The following METTL15 variants were observed in gnomAD, a reference collection of about 807,000 sequenced individuals.
METTL15 encodes methyltransferase 15, mitochondrial 12S rRNA N4-cytidine.
A neutral mutation model predicts 38.3 loss-of-function variants in METTL15; 34 were observed. The observed-to-expected ratio is 0.89, with a 90% CI of 0.68 to 1.18. METTL15 has a LOEUF of 1.18. METTL15 is among the 50% of genes most tolerant of loss of function. METTL15 has a pLI of 0.00. For missense variants in METTL15, 438 were observed against 498.4 expected, an observed-to-expected ratio of 0.88 and a Z score of 1.15; for synonymous variants, 162 against 170.9, an observed-to-expected ratio of 0.95 and a Z score of 0.41.
rs539454077 is a variant in METTL15, at chr11:28,159,384, A to C, written c.270+45780A>C. On this transcript the variant is annotated intron_variant, in intron 3 of 6. Transcript: ENST00000407364. ...GTCAATGGGAAATTATAGCAGCCCA[A>C]TCCAGGCAGGACTACAAGTGATCCA... Among the ~76,000 whole-genome samples, 9 of 152,100 alleles carry C rather than the reference A, an allele frequency of 5.9e-5. No individual in the cohort carries two copies. The South Asian group carries it at 1.9e-3, about 32-fold the overall frequency.
chr11:28,170,476 G>A (rs1435687186), intron 3 of METTL15, among the ~76,000 whole-genome samples: 2 of 152,098 alleles, frequency 1.3e-5, no homozygotes, highest in African/African-American at 2.4e-5. Context: ...AGAAAGTAAA[G>A]GAATAAAAGA....
At chr11:28,298,138 A>G (rs1400966073) in intron 6 of METTL15, among the ~76,000 whole-genome samples, 1 of 152,040 alleles carries the variant, frequency 6.6e-6, no homozygotes, top group Non-Finnish European at 1.5e-5. Context: ...TGAACATAAA[A>G]TATTTCATAT....
At chr11:28,118,151 A>T (rs758623150) in intron 3 of METTL15, among the ~76,000 whole-genome samples, 4 of 152,116 alleles carry the variant, frequency 2.6e-5, no homozygotes, top group Non-Finnish European at 5.9e-5. Flanking sequence ...TTTAAAAAAT[A>T]TCTGAATGTA....
At chr11:28,507,139 C>A (rs1326643959) in intron 6 of METTL15, among the ~76,000 whole-genome samples, 1 of 152,156 alleles carries the variant, frequency 6.6e-6, no homozygotes, top group Non-Finnish European at 1.5e-5. Flanking sequence ...TTAGACCTTA[C>A]CACTTGTAAT....
At chr11:28,288,656 C>T (rs1856386732) in intron 4 of METTL15, among the ~76,000 whole-genome samples, 1 of 151,976 alleles carries the variant, frequency 6.6e-6, no homozygotes, top group Non-Finnish European at 1.5e-5. Flanking sequence ...ACACTGGGGC[C>T]TACCAGAGTG....
chr11:28,190,996 T>G (rs1293879726), intron 3 of METTL15, among the ~76,000 whole-genome samples: 2 of 151,336 alleles, frequency 1.3e-5, no homozygotes, highest in Non-Finnish European at 3.0e-5. Flanking sequence ...AGCCTACTAA[T>G]AAGTTTGCTT....
intron 5 of METTL15, among the ~76,000 whole-genome samples, chr11:28,395,833 T>C (rs1023971072): frequency 6.6e-6 from 1 of 152,196 alleles, no homozygotes; most frequent in Non-Finnish European, 1.5e-5. Flanking sequence ...TGAACATCGA[T>C]GCAAAAATCC....
chr11:28,314,815 C>T (rs1857424263), intron 6 of METTL15, among the ~76,000 whole-genome samples: 1 of 152,132 alleles, frequency 6.6e-6, no homozygotes, highest in African/African-American at 2.4e-5. Flanking sequence ...TGCTGTTCTC[C>T]TGATAGTGAA....
chr11:28,159,182 A>T (rs1850365745), intron 3 of METTL15, among the ~76,000 whole-genome samples: 1 of 152,106 alleles, frequency 6.6e-6, no homozygotes, highest in South Asian at 2.1e-4. Flanking sequence ...GGTTCCTCCT[A>T]CCTTTAAGTG....
chr11:28,282,159 A>T (rs1856079218), intron 4 of METTL15, among the ~76,000 whole-genome samples: 1 of 152,168 alleles, frequency 6.6e-6, no homozygotes, highest in Admixed American at 6.5e-5. Flanking sequence ...TACTGCTAAC[A>T]TGCTACTCTC....
intron 4 of METTL15, among the ~76,000 whole-genome samples, chr11:28,224,176 T>C (rs1853373782): frequency 6.6e-6 from 1 of 152,012 alleles, no homozygotes; most frequent in South Asian, 2.1e-4. Flanking sequence ...ATTTCATCTT[T>C]CTAATTGTCA....
intron 5 of METTL15, among the ~76,000 whole-genome samples, chr11:28,410,251 C>T (rs1193979556): frequency 1.3e-5 from 2 of 152,132 alleles, no homozygotes; most frequent in African/African-American, 4.8e-5. Context: ...AGTAATACCT[C>T]ATACTTCTAA....
At chr11:28,132,746 C>T (rs1849380413) in intron 3 of METTL15, among the ~76,000 whole-genome samples, 1 of 152,010 alleles carries the variant, frequency 6.6e-6, no homozygotes, top group African/African-American at 2.4e-5. Flanking sequence ...GATACAGTTG[C>T]TTGTGTTTTG....
chr11:28,239,481 C>G lies in METTL15; in HGVS notation c.407+28283C>G, dbSNP rs191106579. On this transcript the variant is annotated intron_variant, in intron 4 of 6. Transcript: ENST00000407364. ...ACCCTGGTCCAGGCCACCATCATCT[C>G]CTAATTGGAGTTTTGTGTTTTGACT... Among the ~76,000 whole-genome samples the G allele has an allele frequency of 1.8e-4, 28 of 152,334 alleles. 1 individual carries two copies. In the East Asian group the frequency reaches 3.1e-3, roughly 17 times the overall value.
chr11:28,309,813 C>T (rs1857212625), intron 6 of METTL15, among the ~76,000 whole-genome samples: 1 of 152,020 alleles, frequency 6.6e-6, no homozygotes, highest in African/African-American at 2.4e-5. Context: ...TTTCTGTGCC[C>T]CCCACACACA....
intron 3 of METTL15, among the ~76,000 whole-genome samples, chr11:28,185,502 A>C (rs1851461751): frequency 6.6e-6 from 1 of 151,436 alleles, no homozygotes; most frequent in Non-Finnish European, 1.5e-5. Flanking sequence ...AAAAGTTACT[A>C]GTATATTATA....
rs564672034 is a variant in METTL15 at position 28,318,365 on chromosome 11, T to TTA, written c.779-12016_779-12015dup. 4.0e-3 allele frequency among the ~76,000 whole-genome samples: 607 copies of TTA among 150,460 alleles called. 6 individuals carry two copies. The highest frequency in any genetic ancestry group is 0.013 in the African/African-American group (516 of 41,060). On this transcript the variant is annotated intron_variant, in intron 6 of 6. Transcript: ENST00000407364. ...GTACAGAGGGGTAAATAATTTGATT[T>TTA]TATATATATATATATAAAATTGCAG...
intron 6 of METTL15, among the ~76,000 whole-genome samples, chr11:28,470,450 A>G (rs1851294507): frequency 6.6e-6 from 1 of 152,140 alleles, no homozygotes; most frequent in Non-Finnish European, 1.5e-5. Context: ...GAAGAAACAC[A>G]TCCTTCCTTG....
intron 3 of METTL15, among the ~76,000 whole-genome samples, chr11:28,131,905 A>G (rs1590778095): frequency 6.6e-6 from 1 of 152,170 alleles, no homozygotes; most frequent in African/African-American, 2.4e-5. Context: ...CTTGTTCTAA[A>G]TTTGGTGACC....
Sources: allele counts gnomAD v4.1 joint callset (sites outside exome capture counted in the v4.1 genomes callset), GRCh38; gene constraint gnomAD v4.1.1; transcripts MANE v1.5; gene names NCBI Gene and HGNC (gene_info 2026-07-23, HGNC 2026-07-21).